The following PRKN variants were observed in gnomAD, a reference collection of about 807,000 sequenced individuals.
PRKN encodes parkin RBR E3 ubiquitin protein ligase.
In PRKN, 56 loss-of-function variants were observed where a neutral mutation model predicts 59.5. That is an observed-to-expected ratio of 0.94 (90% CI 0.76 to 1.18). The LOEUF is 1.18. PRKN is among the 50% of genes most tolerant of loss of function. The probability of loss-of-function intolerance (pLI) is 0.00; values close to 1 mark genes in which losing one functional copy is unlikely to be tolerated. For missense variants in PRKN, 657 were observed against 596.4 expected, an observed-to-expected ratio of 1.10 and a Z score of -1.06; for synonymous variants, 250 against 222.1, an observed-to-expected ratio of 1.13 and a Z score of -1.12.
At chr6:162,321,749 G>T (rs989763333) in intron 2 of PRKN, among the ~76,000 whole-genome samples, 6 of 151,908 alleles carry the variant, frequency 3.9e-5, no homozygotes, top group Non-Finnish European at 8.8e-5. Flanking sequence ...GAGTGAAAAA[G>T]AGAAATATAA....
At chr6:161,659,276 A>C (rs557226559) in intron 7 of PRKN, among the ~76,000 whole-genome samples, 57 of 152,292 alleles carry the variant, frequency 3.7e-4, no homozygotes, top group African/African-American at 1.3e-3. Flanking sequence ...CAATTGTTCA[A>C]AATTAATTAT....
At position 161,451,965 on chromosome 6, in the gene PRKN, TC is replaced by T. The variant is rs1220887828; in HGVS notation, c.1084-65089del. Among the ~76,000 whole-genome samples the T allele has an allele frequency of 6.6e-6, 1 of 151,918 alleles. No individual in the cohort carries two copies. Among genetic ancestry groups the T allele is most frequent in the African/African-American group, 2.4e-5 (1 of 41,206 alleles). Reference sequence around the variant, plus strand: ...TTTACTTTTTTCTTTTCTTTTCTTTTCTTTTTTTGGGATGGAGTCTCACTCT... The same window carrying T: ...TTTACTTTTTTCTTTTCTTTTCTTTTTTTTTTTGGGATGGAGTCTCACTCT... On this transcript the variant is annotated intron_variant, in intron 9 of 11. Transcript: ENST00000366898. The surrounding 1 kb of genome is among the most constrained non-coding windows in gnomAD (Gnocchi z 5.9).
chr6:162,013,583 A>T (rs1272190188), intron 5 of PRKN, among the ~76,000 whole-genome samples: 1 of 152,124 alleles, frequency 6.6e-6, no homozygotes, highest in Non-Finnish European at 1.5e-5. Context: ...CTTTATGACA[A>T]CCCCAAGTGC....
In PRKN at chr6:161,593,389, T is replaced by A. The variant is rs943493785; in HGVS notation, c.872-23973A>T. Among the ~76,000 whole-genome samples, 1 of 152,104 alleles carries A rather than the reference T, an allele frequency of 6.6e-6. No homozygotes were observed. Among genetic ancestry groups the A allele is most frequent in the South Asian group, 2.1e-4 (1 of 4,808 alleles). Reference sequence around the variant, plus strand: ...CCTGCCCAGTGTCACAAAACTAATATATGGTGAGGCTGGTTTCAAGCTAAT... The same window carrying A: ...CCTGCCCAGTGTCACAAAACTAATAAATGGTGAGGCTGGTTTCAAGCTAAT... On this transcript the variant is annotated intron_variant, in intron 7 of 11. Transcript: ENST00000366898. The surrounding 1 kb of genome is among the most constrained non-coding windows in gnomAD (Gnocchi z 4.8).
chr6:162,683,723 T>C (rs1215148187), intron 1 of PRKN, among the ~76,000 whole-genome samples: 7 of 152,106 alleles, frequency 4.6e-5, no homozygotes, highest in Admixed American at 4.6e-4. Context: ...GTAAACAAAT[T>C]TGTCTTTGTC....
At chr6:161,557,600 T>C (rs1780285354) in intron 8 of PRKN, among the ~76,000 whole-genome samples, 1 of 152,106 alleles carries the variant, frequency 6.6e-6, no homozygotes. Flanking sequence ...CCAAAAGGCC[T>C]CTCCTCTGTA....
intron 6 of PRKN, among the ~76,000 whole-genome samples, chr6:161,839,539 G>A (rs1290583386): frequency 6.6e-6 from 1 of 152,020 alleles, no homozygotes; most frequent in East Asian, 1.9e-4. Context: ...GAGGTAGCCG[G>A]GGGTCCCACT....
chr6:161,451,397 G>C lies in PRKN; in HGVS notation c.1084-64520C>G, dbSNP rs888875758. Among the ~76,000 whole-genome samples, 2 of 152,172 alleles carry C rather than the reference G, an allele frequency of 1.3e-5. No individual in the cohort carries two copies. Among genetic ancestry groups the C allele is most frequent in the African/African-American group, 4.8e-5 (2 of 41,428 alleles). On this transcript the variant is annotated intron_variant, in intron 9 of 11. Coordinates refer to ENST00000366898, the MANE Select transcript of PRKN (RefSeq NM_004562.3). This position sits in a 1 kb window ranked among gnomAD's most constrained non-coding sequence, Gnocchi z 5.9. ...TGAATATAAAGTTAGGATGTGGCCT[G>C]ATTAGCATAGGCAGAGTACTGAGAA...
At chr6:162,108,248 C>T (rs557449731) in intron 4 of PRKN, among the ~76,000 whole-genome samples, 56 of 152,212 alleles carry the variant, frequency 3.7e-4, no homozygotes, top group African/African-American at 1.3e-3. Context: ...AGCCTTTGTT[C>T]CAGAAGACAC....
At chr6:162,627,920 A>G (rs1255708639) in intron 1 of PRKN, among the ~76,000 whole-genome samples, 1 of 152,158 alleles carries the variant, frequency 6.6e-6, no homozygotes, top group Non-Finnish European at 1.5e-5. Flanking sequence ...AAGAACAGGA[A>G]AACAAGAGAC....
rs771741339 is a variant in PRKN at position 161,785,769 on chromosome 6, T to TA, written c.871+2dup. 3 of 1,613,838 alleles carry TA rather than the reference T, an allele frequency of 1.9e-6. No individual in the cohort carries two copies. The Admixed American group carries it at 5.0e-5, about 27-fold the overall frequency. On this transcript the variant is annotated splice_region_variant and intron_variant, in intron 7 of 11. Coordinates refer to ENST00000366898, the MANE Select transcript of PRKN (RefSeq NM_004562.3). Reference sequence around the variant, plus strand: ...AGATGGAGAGAAAACATGCTAGACTTACCCACACAAGGCAGGGAGTAGCCA... The same window carrying TA: ...AGATGGAGAGAAAACATGCTAGACTTAACCCACACAAGGCAGGGAGTAGCCA...
At chr6:162,121,054 G>A (rs10455898) in intron 4 of PRKN, among the ~76,000 whole-genome samples, 3 of 152,244 alleles carry the variant, frequency 2.0e-5, no homozygotes, top group African/African-American at 7.2e-5. Flanking sequence ...TTAATTCATA[G>A]CAACTTTCAA....
intron 9 of PRKN, among the ~76,000 whole-genome samples, chr6:161,542,062 C>G (rs1303635113): frequency 6.6e-6 from 1 of 152,166 alleles, no homozygotes; most frequent in Admixed American, 6.5e-5. Flanking sequence ...TCAGCCTACT[C>G]AACATGAAGA....
intron 1 of PRKN, among the ~76,000 whole-genome samples, chr6:162,609,751 A>G (rs920225470): frequency 1.3e-5 from 2 of 152,224 alleles, no homozygotes; most frequent in African/African-American, 4.8e-5. Context: ...CTAATGCTCT[A>G]CAATGATTTT....
chr6:162,187,112 A>C (rs148567270), intron 4 of PRKN, among the ~76,000 whole-genome samples: 1 of 152,306 alleles, frequency 6.6e-6, no homozygotes, highest in East Asian at 1.9e-4. Context: ...GGAAAATGAA[A>C]AAGAGCTGCA....
intron 9 of PRKN, among the ~76,000 whole-genome samples, chr6:161,521,067 C>T (rs1442850585): frequency 6.6e-6 from 1 of 152,142 alleles, no homozygotes; most frequent in Non-Finnish European, 1.5e-5. Flanking sequence ...AATCCCGGGT[C>T]TTAAATGAGT....
At chr6:161,637,333 A>G (rs1783561228) in intron 7 of PRKN, among the ~76,000 whole-genome samples, 1 of 152,234 alleles carries the variant, frequency 6.6e-6, no homozygotes, top group Non-Finnish European at 1.5e-5. Flanking sequence ...TTTCATTACC[A>G]TAAATAAATG....
intron 1 of PRKN, among the ~76,000 whole-genome samples, chr6:162,523,128 A>G (rs183113269): frequency 4.0e-4 from 61 of 152,316 alleles, no homozygotes; most frequent in African/African-American, 1.4e-3. Flanking sequence ...GAGTGCTTAT[A>G]AAGTGATCAG....
At chr6:161,637,588 C>A (rs187863130) in intron 7 of PRKN, among the ~76,000 whole-genome samples, 1 of 152,150 alleles carries the variant, frequency 6.6e-6, no homozygotes, top group Admixed American at 6.5e-5. Context: ...AACAAGGTAG[C>A]CTTTTCTCCT....
Sources: gnomAD v4.1 joint callset for allele counts (sites outside exome capture counted in the v4.1 genomes callset) on GRCh38, gnomAD v4.1.1 for gene constraint, Gnocchi (gnomAD v3.1) non-coding constraint, MANE v1.5 for transcripts, NCBI Gene and HGNC (gene_info 2026-07-23, HGNC 2026-07-21) for gene names.